The following MAML1 variants were observed in gnomAD, a reference collection of about 807,000 sequenced individuals.
MAML1 encodes mastermind like transcriptional coactivator 1, also known as mastermind-like protein 1.
MAML1 carries 14 observed loss-of-function variants against 77.1 expected under a neutral mutation model. The observed-to-expected ratio is 0.18, with a 90% CI of 0.12 to 0.28. MAML1 has a LOEUF of 0.28. Ranked by LOEUF, MAML1 falls within the 10% of genes least tolerant of loss-of-function variation. The pLI, the probability that MAML1 is intolerant of heterozygous loss-of-function variation, is 1.00. For missense variants in MAML1, 1,217 were observed against 1,327.8 expected (o/e 0.92, Z 1.30); for synonymous variants, 516 against 551.9 (o/e 0.93, Z 0.91).
chr5:179,753,238 C>CGT (rs1562559883), intron 1 of MAML1, among the ~76,000 whole-genome samples: 6 of 150,998 alleles, frequency 4.0e-5, no homozygotes, highest in African/African-American at 1.2e-4. Flanking sequence ...CGCGCGCGCG[C>CGT]GTGCTGGGGT....
chr5:179,764,999 GT>G (rs1779789754), intron 1 of MAML1, among the ~76,000 whole-genome samples: 1 of 144,116 alleles, frequency 6.9e-6, no homozygotes, highest in Non-Finnish European at 1.6e-5. Flanking sequence ...ATATATATGT[GT>G]GTGTGTGTGT....
intron 1 of MAML1, among the ~76,000 whole-genome samples, chr5:179,751,995 C>A (rs1379183803): frequency 6.7e-6 from 1 of 150,292 alleles, no homozygotes; most frequent in Non-Finnish European, 1.5e-5. Context: ...TAGAGTGAGA[C>A]CTTGTCTCAA....
In MAML1 at chr5:179,775,198, C is replaced by T. The variant is rs541031406; in HGVS notation, c.*321C>T. On this transcript the variant is annotated 3_prime_UTR_variant, in exon 5 of 5. Transcript: ENST00000292599. ...TAACACCAGTGAAACCCCACACTGT[C>T]GGGCTTATAAAAATCTGTGCCATCA... The T allele has an allele frequency of 8.8e-5, 94 of 1,064,766 alleles. 1 individual carries two copies. In the Admixed American group the frequency reaches 3.7e-3, roughly 42 times the overall value. 66.0% of individuals were successfully genotyped at this position (1,064,766 alleles called of 1,614,324 possible).
intron 2 of MAML1, among the ~76,000 whole-genome samples, chr5:179,767,492 C>CA (rs1160481021): frequency 6.6e-6 from 1 of 151,774 alleles, no homozygotes; most frequent in Non-Finnish European, 1.5e-5. Flanking sequence ...TATGCATTGA[C>CA]ACACTATATA....
At chr5:179,736,293 G>A (rs938593075) in intron 1 of MAML1, among the ~76,000 whole-genome samples, 2 of 151,392 alleles carry the variant, frequency 1.3e-5, no homozygotes, top group African/African-American at 4.9e-5. Context: ...TCGCTTTGTC[G>A]CCAGGCTGGA....
At position 179,775,630 on chromosome 5, in the gene MAML1, T is replaced by C. The variant is rs536740394; in HGVS notation, c.*753T>C. Reference sequence around the variant, plus strand: ...GGCCCCCAGGAATCCCTTCCTCCCATGTCCTGGCAGCAGGACCCCAGGCTA... The same window carrying C: ...GGCCCCCAGGAATCCCTTCCTCCCACGTCCTGGCAGCAGGACCCCAGGCTA... On this transcript the variant is annotated 3_prime_UTR_variant, in exon 5 of 5. Coordinates refer to ENST00000292599, the MANE Select transcript of MAML1 (RefSeq NM_014757.5). 223 of 985,426 alleles carry C rather than the reference T, an allele frequency of 2.3e-4. 1 individual carries two copies. In the African/African-American group the frequency reaches 3.6e-3, roughly 16 times the overall value. The allele number at this position is 985,426 out of a possible 1,614,324, so 61.0% of individuals were successfully genotyped here. A position where few individuals can be genotyped will look rare whatever the true frequency, so the allele number is the denominator to read the frequency against.
Position 179,765,607 on chromosome 5 carries a change from T to A in MAML1, c.597T>A (p.Asn199Lys), listed in dbSNP as rs772554689. The A allele has an allele frequency of 1.2e-6, 2 of 1,614,080 alleles. No individual in the cohort carries two copies. Among genetic ancestry groups the A allele is most frequent in the African/African-American group, 2.7e-5 (2 of 74,928 alleles). ...KRLADSSLHL[N>K]GGSNPSESFP... is the part of the protein sequence containing the mutation. The stretch of plus-strand genomic sequence containing the variant: ...TGGCTGACTCCAGCCTTCACTTGAA[T>A]GGAGGCAGTAACCCCAGTGAGTCAT... The change falls in exon 2 of 5, where the codon AAT becomes AAA. Residue 199 changes from asparagine to lysine, a missense_variant. Physicochemically the swap from Asn to Lys is moderately conservative, Grantham distance 94 (BLOSUM62 0). Around this residue, in one of 3 missense-constraint regions of MAML1, gnomAD observed 312 missense variants for 331.4 expected, o/e 0.94. Coordinates refer to ENST00000292599, the MANE Select transcript of MAML1 (RefSeq NM_014757.5).
intron 1 of MAML1, among the ~76,000 whole-genome samples, chr5:179,755,133 C>T (rs1018371088): frequency 6.6e-6 from 1 of 152,220 alleles, no homozygotes; most frequent in African/African-American, 2.4e-5. Flanking sequence ...CACTCACATT[C>T]CAAGTTGTAT....
intron 2 of MAML1, among the ~76,000 whole-genome samples, chr5:179,767,632 CACTT>C (rs1381139774): frequency 4.6e-5 from 7 of 152,284 alleles, no homozygotes; most frequent in South Asian, 2.1e-4. Flanking sequence ...CTGATAATTC[CACTT>C]ACTTCAGCCA....
intron 1 of MAML1, among the ~76,000 whole-genome samples, chr5:179,754,858 T>C (rs1779580558): frequency 6.6e-6 from 1 of 152,096 alleles, no homozygotes; most frequent in South Asian, 2.1e-4. Flanking sequence ...CAAGTTATTT[T>C]TGAGATGAAG....
rs552199600 is a variant in MAML1 at position 179,747,234 on chromosome 5, C to T, written c.315+13807C>T. Reference sequence around the variant, plus strand: ...CTTAAGAGCAAGACCAAGAGTCTGGCATTGTACCTGCTGTATTTGGCAGTC... The same window carrying T: ...CTTAAGAGCAAGACCAAGAGTCTGGTATTGTACCTGCTGTATTTGGCAGTC... On this transcript the variant is annotated intron_variant, in intron 1 of 4. Transcript: ENST00000292599. Among the ~76,000 whole-genome samples the T allele has an allele frequency of 1.8e-4, 27 of 152,296 alleles. No homozygotes were observed. In the East Asian group the frequency reaches 5.2e-3, roughly 29 times the overall value.
At chr5:179,751,597 C>T (rs897860653) in intron 1 of MAML1, among the ~76,000 whole-genome samples, 1 of 151,850 alleles carries the variant, frequency 6.6e-6, no homozygotes, top group African/African-American at 2.4e-5. Flanking sequence ...CCCAGCTACT[C>T]GGGAGGCTGA....
chr5:179,774,777 C>T lies in MAML1; in HGVS notation c.2951C>T (p.Ser984Phe), dbSNP rs1756097524. The T allele has an allele frequency of 6.2e-7, 1 of 1,613,748 alleles. No individual in the cohort carries two copies. Among genetic ancestry groups the T allele is most frequent in the African/African-American group, 1.3e-5 (1 of 75,064 alleles). The change falls in exon 5 of 5, where the codon TCT becomes TTT. Residue 984 changes from serine (S) to phenylalanine (F), a missense_variant. Transcript: ENST00000292599. ...GGGCAGCCAGGTGGCAGTGGGCTCTCTAGTGTGGCTGGACACACCGATCTG... is the reference window on the plus strand; with the variant it reads ...GGGCAGCCAGGTGGCAGTGGGCTCTTTAGTGTGGCTGGACACACCGATCTG... ...YSGQPGGSGL[S>F]SVAGHTDLID...
chr5:179,775,070 C>T lies in MAML1; in HGVS notation c.*193C>T, dbSNP rs549484128. On this transcript the variant is annotated 3_prime_UTR_variant, in exon 5 of 5. Transcript: ENST00000292599. ...CCTCAGGCCAGCAGTTGAGGTCCATCGGGCTGGCCCCAGCCCATCTGCTGG... is the reference window on the plus strand; with the variant it reads ...CCTCAGGCCAGCAGTTGAGGTCCATTGGGCTGGCCCCAGCCCATCTGCTGG... The T allele has an allele frequency of 2.9e-5, 41 of 1,395,018 alleles. No individual in the cohort carries two copies. Among genetic ancestry groups the T allele is most frequent in the African/African-American group, 2.6e-4 (18 of 69,056 alleles). 86.4% of individuals were successfully genotyped at this position (1,395,018 alleles called of 1,614,324 possible).
Position 179,774,032 on chromosome 5 carries a change from G to A in MAML1, c.2206G>A (p.Gly736Ser), listed in dbSNP as rs1756068714. 1 of 1,614,068 alleles carries A rather than the reference G, an allele frequency of 6.2e-7. No homozygotes were observed. The highest frequency in any genetic ancestry group is 8.5e-7 in the Non-Finnish European group (1 of 1,180,054). The change falls in exon 5 of 5, where the codon GGC becomes AGC. Residue 736 changes from glycine to serine, a missense_variant. By Grantham distance (56) the Gly-to-Ser change is moderately conservative. Coordinates refer to ENST00000292599, the MANE Select transcript of MAML1 (RefSeq NM_014757.5). ...ASVSSLPTNS[G>S]QQDRGVAQFP... ...AGTTTCCTCTCTCCCCACAAACTCA[G>A]GCCAACAGGACCGGGGTGTGGCTCA...
chr5:179,739,431 G>A (rs932227833), intron 1 of MAML1, among the ~76,000 whole-genome samples: 6 of 152,168 alleles, frequency 3.9e-5, no homozygotes, highest in Non-Finnish European at 8.8e-5. Context: ...GCTGGGTATG[G>A]TGGCTCACAC....
chr5:179,744,901 A>C (rs977908460), intron 1 of MAML1, among the ~76,000 whole-genome samples: 2 of 151,612 alleles, frequency 1.3e-5, no homozygotes, highest in East Asian at 1.9e-4. Context: ...ATGCATTATA[A>C]ATTTTTTTTT....
Position 179,768,710 on chromosome 5 carries a change from C to T in MAML1, c.1732-140C>T, listed in dbSNP as rs1053876479. ...CATCACTTTTGGTCTGTGCTCCAGC[C>T]CTGTGGGATGGTTGTTATTCGAGGT... On this transcript the variant is annotated intron_variant, in intron 2 of 4. Coordinates refer to ENST00000292599, the MANE Select transcript of MAML1 (RefSeq NM_014757.5). 4 of 1,091,452 alleles carry T rather than the reference C, an allele frequency of 3.7e-6. No homozygotes were observed. In the Admixed American group the frequency reaches 6.4e-5, roughly 17 times the overall value. The allele number at this position is 1,091,452 out of a possible 1,614,324, so 67.6% of individuals were successfully genotyped here.
chr5:179,758,265 T>C (rs1443703991), intron 1 of MAML1, among the ~76,000 whole-genome samples: 1 of 152,214 alleles, frequency 6.6e-6, no homozygotes, highest in Admixed American at 6.5e-5. Flanking sequence ...CTTATCATGC[T>C]GAGTGGTTTG....
Sources: gnomAD v4.1 joint callset for allele counts (sites outside exome capture counted in the v4.1 genomes callset) on GRCh38, gnomAD v4.1.1 for gene constraint, gnomAD v4.1.1 regional missense constraint, MANE v1.5 for transcripts, NCBI Gene and HGNC (gene_info 2026-07-23, HGNC 2026-07-21) for gene names.